WWP1: variants seen among roughly 807,000 people sequenced by gnomAD.
The protein encoded by WWP1 is WW domain containing E3 ubiquitin protein ligase 1.
A neutral mutation model predicts 130.6 loss-of-function variants in WWP1; 49 were observed. The observed-to-expected ratio is 0.38, with a 90% CI of 0.30 to 0.48. The LOEUF (loss-of-function observed/expected upper bound fraction) is 0.48, where lower values mean the gene tolerates loss of function less well. WWP1 is among the 20% of genes least tolerant of loss of function. The pLI is 0.99. For synonymous variants in WWP1, 332 were observed against 367.8 expected (o/e 0.90, Z 1.11); for missense variants, 809 against 1,100.6 (o/e 0.74, Z 3.75).
At chr8:86,372,149 G>A (rs368181390) in intron 2 of WWP1, among the ~76,000 whole-genome samples, 447 of 144,126 alleles carry the variant, frequency 3.1e-3, no homozygotes, top group African/African-American at 0.011. Context: ...TCAGCCTCCC[G>A]TGTAGCTGGG....
intron 5 of WWP1, among the ~76,000 whole-genome samples, chr8:86,384,464 C>T (rs1044157746): frequency 2.6e-5 from 4 of 151,638 alleles, no homozygotes; most frequent in African/African-American, 9.7e-5. Context: ...ACGTAATTTC[C>T]GGGTTGTGAT....
Position 86,409,703 on chromosome 8 carries a change from A to C in WWP1, c.725-1835A>C, listed in dbSNP as rs552037273. On this transcript the variant is annotated intron_variant, in intron 8 of 24. Transcript: ENST00000517970. ...GGTGAAAGCCCATCTCTACCAAAAA[A>C]TAGGAAAACTAACCAGGCGTGGTGG... 3.3e-5 allele frequency among the ~76,000 whole-genome samples: 5 copies of C among 151,928 alleles called. No homozygotes were observed. In the East Asian group the frequency reaches 9.9e-4, roughly 30 times the overall value.
chr8:86,384,761 G>C (rs1369413680), intron 5 of WWP1, among the ~76,000 whole-genome samples: 1 of 152,124 alleles, frequency 6.6e-6, no homozygotes, highest in African/African-American at 2.4e-5. Context: ...GGCACTGTGG[G>C]AGGCTGAGGC....
intron 2 of WWP1, among the ~76,000 whole-genome samples, chr8:86,370,717 C>T (rs1225711040): frequency 6.6e-6 from 1 of 152,028 alleles, no homozygotes; most frequent in African/African-American, 2.4e-5. Flanking sequence ...TTCATGACTT[C>T]AGTGTAGAAT....
At chr8:86,454,540 A>G (rs1811338845) in intron 21 of WWP1, among the ~76,000 whole-genome samples, 1 of 152,108 alleles carries the variant, frequency 6.6e-6, no homozygotes, top group African/African-American at 2.4e-5. Flanking sequence ...GTATTTATTA[A>G]TCTTTTTAAA....
chr8:86,388,727 C>G (rs972823803), intron 5 of WWP1, among the ~76,000 whole-genome samples: 4 of 151,886 alleles, frequency 2.6e-5, no homozygotes, highest in African/African-American at 9.7e-5. Context: ...TATAATAGTT[C>G]TTAATTTATT....
rs377046219 is a variant in WWP1, at chr8:86,424,367, G to T, written c.1062-856G>T. Among the ~76,000 whole-genome samples the T allele has an allele frequency of 3.3e-5, 5 of 152,054 alleles. No individual in the cohort carries two copies. In the East Asian group the frequency reaches 6.0e-4, roughly 18 times the overall value. ...CTCCTCACATCCCAGACGATGGGCG[G>T]CCAGGCAGAGACGCTCCTCACTTCC... is the stretch of plus-strand genomic sequence containing the variant. On this transcript the variant is annotated intron_variant, in intron 9 of 24. Transcript: ENST00000517970.
chr8:86,465,582 G>A (rs1206685977), intron 24 of WWP1, among the ~76,000 whole-genome samples: 1 of 152,074 alleles, frequency 6.6e-6, no homozygotes, highest in Admixed American at 6.6e-5. Context: ...GCAGTGAGCC[G>A]AGACAGTAGC....
intron 1 of WWP1, among the ~76,000 whole-genome samples, chr8:86,360,104 CT>C (rs1279127423): frequency 6.6e-6 from 1 of 151,564 alleles, no homozygotes; most frequent in Non-Finnish European, 1.5e-5. Flanking sequence ...ATCTTTTACG[CT>C]TCTGTTTCTC....
chr8:86,430,569 G>C, intron 11 of WWP1, 128 bp from the exon 12 acceptor site: 1 of 627,526 alleles, frequency 1.6e-6, no homozygotes, highest in Admixed American at 3.4e-5. Context: ...GAGCCACTGC[G>C]CCCAACCCCT....
At chr8:86,369,530 G>C (rs1434336068) in intron 2 of WWP1, among the ~76,000 whole-genome samples, 2 of 152,144 alleles carry the variant, frequency 1.3e-5, no homozygotes, top group African/African-American at 4.8e-5. Flanking sequence ...GTTTCATGTA[G>C]TAAAGTGAAT....
At chr8:86,362,007 C>T (rs1020985493) in intron 1 of WWP1, among the ~76,000 whole-genome samples, 41 of 118,708 alleles carry the variant, frequency 3.5e-4, no homozygotes, top group Admixed American at 7.6e-4. Context: ...TATATACACA[C>T]ATATATATAT....
chr8:86,417,191 CA>C (rs1321981907), intron 9 of WWP1: 1 of 152,228 alleles, frequency 6.6e-6, no homozygotes, highest in Admixed American at 6.5e-5. Context: ...ATGTTGTCAG[CA>C]GCGGGAACTG....
chr8:86,439,236 G>A (rs370604192), intron 17 of WWP1, among the ~76,000 whole-genome samples: 8 of 151,266 alleles, frequency 5.3e-5, no homozygotes, highest in Admixed American at 4.0e-4. Context: ...CCAGCTACTC[G>A]GGAGGGTAAG....
At chr8:86,419,627 A>G (rs188276047) in intron 9 of WWP1, among the ~76,000 whole-genome samples, 18 of 152,352 alleles carry the variant, frequency 1.2e-4, no homozygotes, top group Non-Finnish European at 2.1e-4. Flanking sequence ...ACAGTCTGAT[A>G]AGAAAAGTTC....
At chr8:86,420,026 C>T (rs1338998169) in intron 9 of WWP1, among the ~76,000 whole-genome samples, 1 of 152,118 alleles carries the variant, frequency 6.6e-6, no homozygotes, top group Non-Finnish European at 1.5e-5. Flanking sequence ...CTATGCATAT[C>T]CTAGGTTTCC....
At chr8:86,445,155 T>C (rs889904592) in intron 18 of WWP1, among the ~76,000 whole-genome samples, 1 of 152,130 alleles carries the variant, frequency 6.6e-6, no homozygotes, top group South Asian at 2.1e-4. Context: ...CACCAGGGCA[T>C]TAGTCTATTA....
intron 8 of WWP1, among the ~76,000 whole-genome samples, chr8:86,407,319 A>G (rs1004010984): frequency 9.2e-5 from 14 of 152,052 alleles, no homozygotes; most frequent in Admixed American, 5.2e-4. Flanking sequence ...TTATTTTGCA[A>G]CTACCATAGG....
At chr8:86,454,295 AT>A (rs1009794551) in intron 21 of WWP1, among the ~76,000 whole-genome samples, 50 of 151,814 alleles carry the variant, frequency 3.3e-4, no homozygotes, top group Non-Finnish European at 5.2e-4. Flanking sequence ...TAATTTTTTT[AT>A]TTTTTTTAAT....
Sources: allele counts gnomAD v4.1 joint callset (sites outside exome capture counted in the v4.1 genomes callset), GRCh38; gene constraint gnomAD v4.1.1; transcripts MANE v1.5; gene names NCBI Gene and HGNC (gene_info 2026-07-23, HGNC 2026-07-21).